The following CADPS2 variants were observed in gnomAD, a reference collection of about 807,000 sequenced individuals.
CADPS2 encodes the protein calcium-dependent secretion activator 2.
Under a neutral mutation model 172.5 loss-of-function variants are expected in CADPS2, and 93 were observed. The ratio of observed to expected loss-of-function variants is 0.54; its 90% CI spans 0.46 to 0.64. CADPS2 has a LOEUF of 0.64. Among genes scored for constraint, CADPS2 ranks in the 30% least tolerant of loss-of-function variants. The probability of loss-of-function intolerance (pLI) is 0.00; values close to 1 mark genes in which losing one functional copy is unlikely to be tolerated. For synonymous variants in CADPS2, 546 were observed against 555.2 expected (o/e 0.98, Z 0.23); for missense variants, 1,420 against 1,565.9 (o/e 0.91, Z 1.57).
intron 8 of CADPS2, among the ~76,000 whole-genome samples, chr7:122,536,660 G>A (rs1164695676): frequency 6.6e-6 from 1 of 152,058 alleles, no homozygotes; most frequent in Non-Finnish European, 1.5e-5. Context: ...GGGTCTTATG[G>A]AAAACAATCT....
chr7:122,687,023 G>A (rs1401148102), intron 2 of CADPS2, among the ~76,000 whole-genome samples: 1 of 152,104 alleles, frequency 6.6e-6, no homozygotes, highest in Non-Finnish European at 1.5e-5. Flanking sequence ...AAAAAGGATT[G>A]ATATCAATTA....
At chr7:122,779,916 C>G (rs1360367893) in intron 1 of CADPS2, among the ~76,000 whole-genome samples, 5 of 152,172 alleles carry the variant, frequency 3.3e-5, no homozygotes, top group African/African-American at 1.2e-4. Context: ...TGTGTTGAAT[C>G]AAAGACCAGT....
At chr7:122,817,567 G>A (rs965684772) in intron 1 of CADPS2, among the ~76,000 whole-genome samples, 6 of 152,058 alleles carry the variant, frequency 3.9e-5, no homozygotes, top group Non-Finnish European at 5.9e-5. Context: ...ATTCACCCAC[G>A]TTTCAAAGGT....
intron 1 of CADPS2, among the ~76,000 whole-genome samples, chr7:122,864,813 C>A (rs556500727): frequency 6.6e-6 from 1 of 152,268 alleles, no homozygotes; most frequent in Admixed American, 6.5e-5. Context: ...TAAGTAGCAA[C>A]ATCAATTTGG....
At position 122,813,990 on chromosome 7, in the gene CADPS2, A is replaced by G. The variant is rs117998729; in HGVS notation, c.339+72009T>C. Among the ~76,000 whole-genome samples the G allele has an allele frequency of 8.8e-4, 134 of 152,064 alleles. 1 individual carries two copies. The East Asian group carries it at 0.015, about 17-fold the overall frequency. Reference sequence around the variant, plus strand: ...TCTTTGATTTAAAAATTACTTCGTCAATGTGTATACAAGGACGTAAGGGCA... The same window carrying G: ...TCTTTGATTTAAAAATTACTTCGTCGATGTGTATACAAGGACGTAAGGGCA... On this transcript the variant is annotated intron_variant, in intron 1 of 29. Transcript: ENST00000449022.
intron 11 of CADPS2, 89 bp from the exon 12 acceptor site, chr7:122,480,949 T>C: frequency 1.9e-6 from 2 of 1,026,908 alleles, no homozygotes; most frequent in Non-Finnish European, 2.6e-6. Flanking sequence ...AATTTTTTAT[T>C]TTCTCAATTT....
At chr7:122,844,059 C>T (rs1323261127) in intron 1 of CADPS2, among the ~76,000 whole-genome samples, 1 of 152,212 alleles carries the variant, frequency 6.6e-6, no homozygotes, top group African/African-American at 2.4e-5. Flanking sequence ...AAGGTGAGCA[C>T]AGGACCAAAC....
chr7:122,842,302 G>A (rs1292961498), intron 1 of CADPS2, among the ~76,000 whole-genome samples: 2 of 152,276 alleles, frequency 1.3e-5, no homozygotes, highest in East Asian at 3.9e-4. Flanking sequence ...GAGGAGGGTG[G>A]AAAATGGGTC....
chr7:122,872,861 T>C (rs969150197), intron 1 of CADPS2, among the ~76,000 whole-genome samples: 1 of 152,090 alleles, frequency 6.6e-6, no homozygotes, highest in Non-Finnish European at 1.5e-5. Context: ...AAAACTGTAA[T>C]CCAATTTCCA....
chr7:122,703,574 T>C (rs1464688045), intron 2 of CADPS2, among the ~76,000 whole-genome samples: 1 of 152,116 alleles, frequency 6.6e-6, no homozygotes, highest in Non-Finnish European at 1.5e-5. Context: ...AGTGGACATA[T>C]ATTGGAGAAG....
intron 1 of CADPS2, among the ~76,000 whole-genome samples, chr7:122,878,391 G>C (rs1031095046): frequency 6.6e-6 from 1 of 151,074 alleles, no homozygotes; most frequent in East Asian, 2.0e-4. Flanking sequence ...GGTGGCTCAC[G>C]CCTGTAATCC....
intron 17 of CADPS2, among the ~76,000 whole-genome samples, chr7:122,427,014 G>A (rs1176095601): frequency 6.6e-6 from 1 of 152,164 alleles, no homozygotes; most frequent in African/African-American, 2.4e-5. Flanking sequence ...TGCATCTTCA[G>A]AGGAAGTAGG....
intron 24 of CADPS2, among the ~76,000 whole-genome samples, chr7:122,379,746 A>G (rs777434657): frequency 1.7e-4 from 26 of 152,102 alleles, no homozygotes; most frequent in Non-Finnish European, 3.4e-4. Context: ...CTTCTCCTCT[A>G]TAATTAAGGT....
At chr7:122,778,175 G>C (rs2093943435) in intron 1 of CADPS2, among the ~76,000 whole-genome samples, 1 of 152,104 alleles carries the variant, frequency 6.6e-6, no homozygotes, top group South Asian at 2.1e-4. Flanking sequence ...TAAGGAACCT[G>C]TTGGAAGCTG....
intron 9 of CADPS2, among the ~76,000 whole-genome samples, chr7:122,508,448 AGTTT>A (rs2059775654): frequency 9.2e-6 from 1 of 108,278 alleles, no homozygotes; most frequent in Non-Finnish European, 2.0e-5. Context: ...TATTCATTTA[AGTTT>A]TTTTTTTTTT....
intron 8 of CADPS2, among the ~76,000 whole-genome samples, chr7:122,525,845 C>T (rs1353122473): frequency 6.6e-6 from 1 of 152,102 alleles, no homozygotes; most frequent in Admixed American, 6.6e-5. Flanking sequence ...AGGCTATAAA[C>T]CTGTACAGCT....
At chr7:122,527,885 G>A (rs889837345) in intron 8 of CADPS2, among the ~76,000 whole-genome samples, 5 of 151,952 alleles carry the variant, frequency 3.3e-5, no homozygotes, top group African/African-American at 1.2e-4. Context: ...AGAGAGAGAA[G>A]GGTGAAAATA....
intron 1 of CADPS2, among the ~76,000 whole-genome samples, chr7:122,792,310 T>C (rs1263997211): frequency 6.6e-6 from 1 of 152,190 alleles, no homozygotes; most frequent in East Asian, 1.9e-4. Flanking sequence ...AGTTCATGAA[T>C]GGAGCACTAA....
intron 1 of CADPS2, among the ~76,000 whole-genome samples, chr7:122,873,116 G>A (rs556915513): frequency 2.0e-5 from 3 of 152,184 alleles, no homozygotes; most frequent in Admixed American, 6.5e-5. Flanking sequence ...CCCACCTACT[G>A]TACTTGGCAT....
Sources: gnomAD v4.1 joint callset for allele counts (sites outside exome capture counted in the v4.1 genomes callset) on GRCh38, gnomAD v4.1.1 for gene constraint, MANE v1.5 for transcripts, NCBI Gene and HGNC (gene_info 2026-07-23, HGNC 2026-07-21) for gene names.